The following SOX5 variants were observed in gnomAD, a reference collection of about 807,000 sequenced individuals.
SOX5 encodes the protein SRY-box transcription factor 5.
In SOX5, 9 loss-of-function variants were observed where a neutral mutation model predicts 92.0. That is an observed-to-expected ratio of 0.10 (90% CI 0.06 to 0.17). The LOEUF is 0.17. SOX5 is among the 10% of genes least tolerant of loss of function. The probability of loss-of-function intolerance (pLI) is 1.00; values close to 1 mark genes in which losing one functional copy is unlikely to be tolerated. For synonymous variants in SOX5, 344 were observed against 336.3 expected (o/e 1.02, Z -0.25); for missense variants, 642 against 944.5 (o/e 0.68, Z 4.20).
chr12:23,718,393 C>T lies in SOX5; in HGVS notation c.810+16291G>A, dbSNP rs536163037. The stretch of plus-strand genomic sequence containing the variant: ...AAAACTCTTAAAGATAAGGACCACA[C>T]TTCCTATCTTAATCTTTGCATACAG... On this transcript the variant is annotated intron_variant, in intron 6 of 14. Transcript: ENST00000451604. 6.3e-4 allele frequency among the ~76,000 whole-genome samples: 96 copies of T among 152,296 alleles called. 1 individual carries two copies. The highest frequency in any genetic ancestry group is 2.2e-3 in the African/African-American group (93 of 41,566).
chr12:24,190,957 A>G (rs1354708147), intron 4 of SOX5, among the ~76,000 whole-genome samples: 4 of 152,238 alleles, frequency 2.6e-5, no homozygotes, highest in African/African-American at 7.2e-5. Context: ...AATTTAAAAA[A>G]AAGAGAATGA....
intron 9 of SOX5, among the ~76,000 whole-genome samples, chr12:23,576,862 G>T (rs536301914): frequency 4.4e-4 from 66 of 151,672 alleles, no homozygotes; most frequent in African/African-American, 1.4e-3. Context: ...ATTTATCAAC[G>T]TTTACAATAT....
chr12:24,160,449 C>T (rs1952638971), intron 4 of SOX5, among the ~76,000 whole-genome samples: 2 of 151,930 alleles, frequency 1.3e-5, no homozygotes. Context: ...CTATATGCAA[C>T]ATTGGGCCAT....
intron 2 of SOX5, among the ~76,000 whole-genome samples, chr12:23,861,575 T>C (rs1229689124): frequency 1.3e-5 from 2 of 152,200 alleles, no homozygotes; most frequent in Non-Finnish European, 2.9e-5. Flanking sequence ...CAAAGTGCTC[T>C]GGCTTGGTGC....
chr12:23,623,313 T>C lies in SOX5; in HGVS notation c.1017+17499A>G, dbSNP rs186225696. 2.0e-3 allele frequency among the ~76,000 whole-genome samples: 303 copies of C among 152,314 alleles called. 1 individual carries two copies. The highest frequency in any genetic ancestry group is 3.4e-3 in the Non-Finnish European group (232 of 68,002). Reference sequence around the variant, plus strand: ...TGTATTAGATAATTATAAACACTGATATATTTTTATTAGCAAATTTTAATT... The same window carrying C: ...TGTATTAGATAATTATAAACACTGACATATTTTTATTAGCAAATTTTAATT... On this transcript the variant is annotated intron_variant, in intron 8 of 14. Transcript: ENST00000451604.
intron 3 of SOX5, among the ~76,000 whole-genome samples, chr12:24,242,027 A>C (rs552373995): frequency 6.6e-5 from 10 of 152,234 alleles, no homozygotes; most frequent in African/African-American, 2.4e-4. Flanking sequence ...AAATGAAATA[A>C]TTCCTGTTGT....
At chr12:24,326,092 T>C (rs1225341767) in intron 2 of SOX5, among the ~76,000 whole-genome samples, 1 of 152,168 alleles carries the variant, frequency 6.6e-6, no homozygotes, top group African/African-American at 2.4e-5. Context: ...TTAAAACTCA[T>C]GTGGCAAGCT....
intron 1 of SOX5, among the ~76,000 whole-genome samples, chr12:24,436,751 C>A (rs933153110): frequency 5.9e-5 from 9 of 152,208 alleles, no homozygotes; most frequent in African/African-American, 2.2e-4. Context: ...AGGACTTTCA[C>A]AGCTAGAGAG....
chr12:23,873,914 T>C (rs1328011799), intron 2 of SOX5, among the ~76,000 whole-genome samples: 1 of 152,170 alleles, frequency 6.6e-6, no homozygotes, highest in Admixed American at 6.5e-5. Flanking sequence ...ATACTTTGAT[T>C]ATAAAAAACT....
chr12:24,026,195 G>A (rs1383591071), intron 4 of SOX5, among the ~76,000 whole-genome samples: 6 of 152,008 alleles, frequency 3.9e-5, no homozygotes, highest in Non-Finnish European at 8.8e-5. Context: ...TGATTTTGAC[G>A]GGGTAACCAC....
At chr12:23,787,154 G>T (rs1342600829) in intron 3 of SOX5, among the ~76,000 whole-genome samples, 1 of 110,908 alleles carries the variant, frequency 9.0e-6, no homozygotes, top group Non-Finnish European at 2.1e-5. Flanking sequence ...TCTTCAAATT[G>T]TAATTTAGAA....
chr12:24,204,402 C>T (rs1031324877), intron 4 of SOX5, among the ~76,000 whole-genome samples: 1 of 151,910 alleles, frequency 6.6e-6, no homozygotes, highest in Admixed American at 6.6e-5. Flanking sequence ...AATTCCGGCT[C>T]ACTGCAACCT....
At chr12:24,305,918 C>G (rs762587983) in intron 2 of SOX5, among the ~76,000 whole-genome samples, 5 of 152,186 alleles carry the variant, frequency 3.3e-5, no homozygotes, top group African/African-American at 7.2e-5. Context: ...TTTTAAAGAT[C>G]TCCACCTCAG....
At chr12:23,696,794 A>G (rs1223644511) in intron 6 of SOX5, among the ~76,000 whole-genome samples, 1 of 151,956 alleles carries the variant, frequency 6.6e-6, no homozygotes, top group Non-Finnish European at 1.5e-5. Flanking sequence ...TACGTTGTCA[A>G]TTTTCATTCA....
chr12:23,898,275 CA>C, intron 1 of SOX5, among the ~76,000 whole-genome samples: 1 of 152,220 alleles, frequency 6.6e-6, no homozygotes, highest in East Asian at 1.9e-4. Flanking sequence ...CTTTGTTATA[CA>C]AACGTTAGCA....
At chr12:23,553,663 T>C (rs750322167) in intron 11 of SOX5, among the ~76,000 whole-genome samples, 1 of 152,064 alleles carries the variant, frequency 6.6e-6, no homozygotes, top group Non-Finnish European at 1.5e-5. Context: ...TTATACATAC[T>C]GAGTCAAATC....
intron 1 of SOX5, among the ~76,000 whole-genome samples, chr12:24,388,524 G>A (rs1566046503): frequency 6.6e-6 from 1 of 152,078 alleles, no homozygotes; most frequent in African/African-American, 2.4e-5. Flanking sequence ...CAGGCCCAGG[G>A]GTGGTGACAA....
At chr12:23,928,938 T>C (rs970446031) in intron 1 of SOX5, among the ~76,000 whole-genome samples, 3 of 151,924 alleles carry the variant, frequency 2.0e-5, no homozygotes, top group Admixed American at 6.6e-5. Flanking sequence ...CAATTAGCTG[T>C]TGCTAAATTA....
intron 2 of SOX5, among the ~76,000 whole-genome samples, chr12:24,318,201 T>G (rs1301579553): frequency 6.6e-6 from 1 of 152,080 alleles, no homozygotes; most frequent in African/African-American, 2.4e-5. Context: ...AGAGCAAGAC[T>G]CTGTCTCAAA....
Sources: allele counts gnomAD v4.1 joint callset (sites outside exome capture counted in the v4.1 genomes callset), GRCh38; gene constraint gnomAD v4.1.1; transcripts MANE v1.5; gene names NCBI Gene and HGNC (gene_info 2026-07-23, HGNC 2026-07-21).